UBE2E2: variants seen among roughly 807,000 people sequenced by gnomAD.
UBE2E2 encodes the protein ubiquitin-conjugating enzyme E2 E2.
UBE2E2 carries 6 observed loss-of-function variants against 24.7 expected under a neutral mutation model. The observed-to-expected ratio is 0.24, with a 90% CI of 0.13 to 0.48. The LOEUF (loss-of-function observed/expected upper bound fraction) is 0.48, where lower values mean the gene tolerates loss of function less well. Ranked by LOEUF, UBE2E2 falls within the 20% of genes least tolerant of loss-of-function variation. UBE2E2 has a pLI of 0.99. For synonymous variants in UBE2E2, 104 were observed against 83.6 expected (o/e 1.24, Z -1.33); for missense variants, 169 against 245.0 (o/e 0.69, Z 2.07).
intron 3 of UBE2E2, among the ~76,000 whole-genome samples, chr3:23,495,356 C>G (rs1240585393): frequency 6.6e-6 from 1 of 152,110 alleles, no homozygotes; most frequent in Admixed American, 6.5e-5. Flanking sequence ...TTCAGAGTCC[C>G]TTCCTCAGCC....
intron 4 of UBE2E2, among the ~76,000 whole-genome samples, chr3:23,501,250 C>T (rs1242051196): frequency 6.6e-6 from 1 of 152,152 alleles, no homozygotes; most frequent in African/African-American, 2.4e-5. Context: ...TTAGTAGTTT[C>T]AGAAAATGTG....
rs147404918 is a variant in UBE2E2 at position 23,216,132 on chromosome 3, C to T, written c.177-1130C>T. ...TCAATTTAATGGCCTAGCAGAATTA[C>T]AATGACATTTTTTTGACTTTGAATT... is the stretch of plus-strand genomic sequence containing the variant. On this transcript the variant is annotated intron_variant, in intron 2 of 5. Transcript: ENST00000396703. 6.7e-4 allele frequency among the ~76,000 whole-genome samples: 102 copies of T among 152,198 alleles called. 2 individuals carry two copies. In the East Asian group the frequency reaches 0.018, roughly 27 times the overall value.
At chr3:23,438,284 G>A (rs1258148253) in intron 3 of UBE2E2, among the ~76,000 whole-genome samples, 1 of 152,150 alleles carries the variant, frequency 6.6e-6, no homozygotes, top group Admixed American at 6.5e-5. Context: ...TCATGCTGGA[G>A]CAAGAGGAAA....
rs1034730708 is a variant in UBE2E2, at chr3:23,473,169, C to CT, written c.228-26438dup. Among the ~76,000 whole-genome samples, 16 of 152,032 alleles carry CT rather than the reference C, an allele frequency of 1.1e-4. 2 individuals carry two copies. In the Middle Eastern group the frequency reaches 0.01, roughly 97 times the overall value. On this transcript the variant is annotated intron_variant, in intron 3 of 5. Coordinates refer to ENST00000396703, the MANE Select transcript of UBE2E2 (RefSeq NM_152653.4). ...GGGAGCAGAGTGCCTTTCCCCCACT[C>CT]TATCAATACACATTGAAAATGACTT...
At chr3:23,410,522 C>G (rs769770535) in intron 3 of UBE2E2, among the ~76,000 whole-genome samples, 1 of 152,044 alleles carries the variant, frequency 6.6e-6, no homozygotes, top group African/African-American at 2.4e-5. Context: ...ATAAGCCTTG[C>G]AGTTTATTAT....
At chr3:23,223,021 C>G (rs897247361) in intron 3 of UBE2E2, among the ~76,000 whole-genome samples, 5 of 104,996 alleles carry the variant, frequency 4.8e-5, no homozygotes, top group African/African-American at 1.3e-4. Context: ...TTTGCCCCCC[C>G]CCCCTTTTTT....
At chr3:23,242,666 A>G (rs111228819) in intron 3 of UBE2E2, among the ~76,000 whole-genome samples, 1 of 152,168 alleles carries the variant, frequency 6.6e-6, no homozygotes, top group Non-Finnish European at 1.5e-5. Flanking sequence ...AGTACATTCT[A>G]CTAACAGTCT....
intron 3 of UBE2E2, among the ~76,000 whole-genome samples, chr3:23,445,732 T>C (rs1440690354): frequency 6.6e-6 from 1 of 152,194 alleles, no homozygotes; most frequent in African/African-American, 2.4e-5. Flanking sequence ...ATCCCAAATA[T>C]ACCATTTCCA....
intron 3 of UBE2E2, among the ~76,000 whole-genome samples, chr3:23,341,998 A>T (rs867063126): frequency 6.6e-6 from 1 of 152,186 alleles, no homozygotes; most frequent in African/African-American, 2.4e-5. Flanking sequence ...AAGAGAACAA[A>T]CATTTGTTGA....
At chr3:23,396,304 T>TA (rs967110881) in intron 3 of UBE2E2, among the ~76,000 whole-genome samples, 7 of 103,174 alleles carry the variant, frequency 6.8e-5, no homozygotes, top group Admixed American at 1.7e-4. Flanking sequence ...ATTTATTTTT[T>TA]ATATATATAT....
chr3:23,419,154 G>C (rs1697732755), intron 3 of UBE2E2, among the ~76,000 whole-genome samples: 1 of 151,906 alleles, frequency 6.6e-6, no homozygotes. Context: ...TTGTAGATGT[G>C]AGGTTTTGCT....
chr3:23,502,084 G>T (rs915254255), intron 4 of UBE2E2, among the ~76,000 whole-genome samples: 57 of 152,114 alleles, frequency 3.7e-4, no homozygotes, highest in African/African-American at 1.4e-3. Flanking sequence ...GTGTAGTGAA[G>T]GCTATTAAGT....
intron 3 of UBE2E2, among the ~76,000 whole-genome samples, chr3:23,305,807 G>A (rs148131149): frequency 1.4e-3 from 217 of 152,094 alleles, no homozygotes; most frequent in African/African-American, 4.8e-3. Context: ...ACAGCTTACC[G>A]CAGCCTGGAG....
At chr3:23,555,109 A>C (rs960105071) in intron 5 of UBE2E2, among the ~76,000 whole-genome samples, 2 of 151,730 alleles carry the variant, frequency 1.3e-5, no homozygotes, top group Non-Finnish European at 2.9e-5. Flanking sequence ...TAGAGATAGG[A>C]TTTCACCATG....
chr3:23,527,829 C>T lies in UBE2E2; in HGVS notation c.361-4725C>T, dbSNP rs903884750. The stretch of plus-strand genomic sequence containing the variant: ...CTCTATACCACCCCCACCACCCCAC[C>T]CCACCCCTTATGGCTCGTACCTTAC... On this transcript the variant is annotated intron_variant, in intron 4 of 5. Transcript: ENST00000396703. 1.1e-4 allele frequency among the ~76,000 whole-genome samples: 17 copies of T among 152,086 alleles called. No homozygotes were observed. In the East Asian group the frequency reaches 3.1e-3, roughly 28 times the overall value.
intron 3 of UBE2E2, among the ~76,000 whole-genome samples, chr3:23,272,107 A>G (rs905714089): frequency 6.6e-6 from 1 of 152,118 alleles, no homozygotes; most frequent in Admixed American, 6.5e-5. Context: ...GGCTCGGTCC[A>G]TGCTGGAGCC....
Position 23,590,000 on chromosome 3 carries a change from C to G in UBE2E2, c.*169C>G. The G allele has an allele frequency of 1.8e-6, 1 of 559,622 alleles. No individual in the cohort carries two copies. The highest frequency in any genetic ancestry group is 2.9e-5 in the East Asian group (1 of 34,174). 34.7% of individuals were successfully genotyped at this position (559,622 alleles called of 1,614,324 possible). A position where few individuals can be genotyped will look rare whatever the true frequency, so the allele number is the denominator to read the frequency against. On this transcript the variant is annotated 3_prime_UTR_variant, in exon 6 of 6. Coordinates refer to ENST00000396703, the MANE Select transcript of UBE2E2 (RefSeq NM_152653.4). This position sits in a 1 kb window ranked among gnomAD's most constrained non-coding sequence, Gnocchi z 4.1. ...TCTTCCCATCCCAGTTCTTCCTGCC[C>G]CCCTTCCTCTCTCCCACGCTCTCTT...
At chr3:23,256,707 A>G (rs1354522730) in intron 3 of UBE2E2, among the ~76,000 whole-genome samples, 1 of 148,702 alleles carries the variant, frequency 6.7e-6, no homozygotes, top group Admixed American at 6.8e-5. Flanking sequence ...TTCTTTCTAC[A>G]TTTTAACACA....
At chr3:23,294,623 T>A (rs1350241595) in intron 3 of UBE2E2, among the ~76,000 whole-genome samples, 1 of 147,828 alleles carries the variant, frequency 6.8e-6, no homozygotes, top group Non-Finnish European at 1.5e-5. Context: ...AGATATTTTA[T>A]TAGATATTTT....
Sources: allele counts gnomAD v4.1 joint callset (sites outside exome capture counted in the v4.1 genomes callset), GRCh38; gene constraint gnomAD v4.1.1; non-coding constraint Gnocchi (gnomAD v3.1); transcripts MANE v1.5; gene names NCBI Gene and HGNC (gene_info 2026-07-23, HGNC 2026-07-21).